The following COA1 variants were observed in gnomAD, a reference collection of about 807,000 sequenced individuals.
COA1 encodes cytochrome c oxidase assembly factor 1 homolog.
In COA1, 13 loss-of-function variants were observed where a neutral mutation model predicts 16.0. That is an observed-to-expected ratio of 0.81 (90% CI 0.53 to 1.29). The LOEUF is 1.29. COA1 is among the 50% of genes most tolerant of loss of function. The pLI is 0.00. For missense variants in COA1, 179 were observed against 177.0 expected (o/e 1.01, Z -0.06); for synonymous variants, 65 against 65.7 (o/e 0.99, Z 0.05).
intron 1 of COA1, among the ~76,000 whole-genome samples, chr7:43,693,867 TATGAC>T (rs2131115128): frequency 6.6e-6 from 1 of 152,162 alleles, no homozygotes; most frequent in South Asian, 2.1e-4. Context: ...GCTATACACT[TATGAC>T]AGCTGACTCC....
chr7:43,710,669 T>G (rs984225639), intron 1 of COA1, among the ~76,000 whole-genome samples: 3 of 152,072 alleles, frequency 2.0e-5, no homozygotes, highest in African/African-American at 7.2e-5. Context: ...TTCTCCCAAC[T>G]CCAATAGGTA....
chr7:43,713,382 T>A (rs1411892501), intron 1 of COA1, among the ~76,000 whole-genome samples: 1 of 152,192 alleles, frequency 6.6e-6, no homozygotes, highest in African/African-American at 2.4e-5. Flanking sequence ...TACAATACCT[T>A]ACTATTAACC....
chr7:43,625,856 G>A (rs1268252626), intron 6 of COA1: 1 of 151,956 alleles, frequency 6.6e-6, no homozygotes, highest in East Asian at 1.9e-4. Context: ...GTTATAAAAT[G>A]CCAAAATATT....
Position 43,629,923 on chromosome 7 carries a change from A to C in COA1, c.*133+9526T>G, listed in dbSNP as rs543985757. On this transcript the variant is annotated intron_variant and NMD_transcript_variant, in intron 6 of 6. Transcript: ENST00000415076. Reference sequence around the variant, plus strand: ...TAGTTTTTAAAAATTACTTTTGTGTAACTTAATTTTGGGTTTCTTTTTTAA... The same window carrying C: ...TAGTTTTTAAAAATTACTTTTGTGTCACTTAATTTTGGGTTTCTTTTTTAA... 3.3e-5 allele frequency among the ~76,000 whole-genome samples: 5 copies of C among 152,280 alleles called. No individual in the cohort carries two copies. In the South Asian group the frequency reaches 6.2e-4, roughly 19 times the overall value.
intron 1 of COA1, among the ~76,000 whole-genome samples, chr7:43,698,997 A>G (rs2094615512): frequency 6.6e-6 from 1 of 152,168 alleles, no homozygotes; most frequent in Non-Finnish European, 1.5e-5. Flanking sequence ...GTCAACCAGA[A>G]AGTTTTACAT....
chr7:43,663,687 A>C lies in COA1; in HGVS notation c.-38-15035T>G, dbSNP rs377559771. Among the ~76,000 whole-genome samples, 477 of 129,284 alleles carry C rather than the reference A, an allele frequency of 3.7e-3. 10 individuals carry two copies. The highest frequency in any genetic ancestry group is 0.031 in the Admixed American group (385 of 12,302). 84.8% of individuals were successfully genotyped at this position (129,284 alleles called of 152,430 possible). On this transcript the variant is annotated intron_variant, in intron 1 of 5. Transcript: ENST00000223336. ...ATCTCAAAAAAAAAAAAAAAAAAAA[A>C]ACACACACACAAAAAAAAACCTAAA... is the stretch of plus-strand genomic sequence containing the variant.
In COA1 at chr7:43,615,709, C is replaced by T. The variant is rs139756659; in HGVS notation, c.*134-6214G>A. Among the ~76,000 whole-genome samples the T allele has an allele frequency of 8.7e-4, 133 of 152,260 alleles. 1 individual carries two copies. In the East Asian group the frequency reaches 0.021, roughly 25 times the overall value. On this transcript the variant is annotated intron_variant and NMD_transcript_variant, in intron 6 of 6. Coordinates refer to the COA1 transcript ENST00000415076. ...AACCTCATGCCTCCCACCACTCGTA[C>T]CCCTTTTGCCTTGTGCTGTCGTCCA... is the stretch of plus-strand genomic sequence containing the variant.
downstream of COA1, among the ~76,000 whole-genome samples, chr7:43,636,872 C>G (rs1240168375): frequency 6.6e-6 from 1 of 152,204 alleles, no homozygotes; most frequent in Non-Finnish European, 1.5e-5. Context: ...GAATCATGTG[C>G]TTACCCCCAA....
chr7:43,636,992 G>A (rs190418394), downstream of COA1, among the ~76,000 whole-genome samples: 81 of 152,144 alleles, frequency 5.3e-4, 1 homozygote, highest in Admixed American at 3.9e-3. Flanking sequence ...TCATCTACAC[G>A]CTGTCCAAAC....
chr7:43,717,522 T>C (rs928231169), intron 1 of COA1, among the ~76,000 whole-genome samples: 1 of 152,138 alleles, frequency 6.6e-6, no homozygotes, highest in Admixed American at 6.5e-5. Flanking sequence ...AGGGAGTAAT[T>C]AGGTTGCATT....
intron 6 of COA1, among the ~76,000 whole-genome samples, chr7:43,609,930 T>C (rs1313860821): frequency 6.6e-6 from 1 of 152,232 alleles, no homozygotes; most frequent in Non-Finnish European, 1.5e-5. Flanking sequence ...GACCCAGACA[T>C]GAATCAGAAT....
intron 1 of COA1, among the ~76,000 whole-genome samples, chr7:43,687,283 A>ATTT (rs1414836786): frequency 6.6e-6 from 1 of 152,216 alleles, no homozygotes. Context: ...TAAAAGGCAT[A>ATTT]AAAAGAGACA....
intron 1 of COA1, among the ~76,000 whole-genome samples, chr7:43,702,369 T>C (rs2094781179): frequency 6.6e-6 from 1 of 152,206 alleles, no homozygotes; most frequent in Non-Finnish European, 1.5e-5. Context: ...CCCCATTGCT[T>C]ACTGTTGTCA....
At chr7:43,725,149 A>G (rs2095588130) in intron 1 of COA1, among the ~76,000 whole-genome samples, 1 of 152,116 alleles carries the variant, frequency 6.6e-6, no homozygotes, top group Non-Finnish European at 1.5e-5. Context: ...GAGGCAGGAG[A>G]ATCACTTGAA....
At chr7:43,690,408 T>C (rs1004673711) in intron 1 of COA1, among the ~76,000 whole-genome samples, 1 of 152,118 alleles carries the variant, frequency 6.6e-6, no homozygotes, top group African/African-American at 2.4e-5. Flanking sequence ...CATATATATG[T>C]ATGTACAGAC....
chr7:43,628,069 C>T (rs1194539462), intron 6 of COA1, among the ~76,000 whole-genome samples: 1 of 152,188 alleles, frequency 6.6e-6, no homozygotes, highest in Non-Finnish European at 1.5e-5. Flanking sequence ...TCACTGCAAC[C>T]TCCACCTCCC....
At chr7:43,679,737 A>C (rs1466041892) in intron 1 of COA1, among the ~76,000 whole-genome samples, 1 of 152,218 alleles carries the variant, frequency 6.6e-6, no homozygotes, top group Non-Finnish European at 1.5e-5. Context: ...TCCAGGCCCC[A>C]GTCAAGGATA....
intron 1 of COA1, chr7:43,649,130 T>C (rs2090204611): frequency 6.5e-6 from 1 of 154,640 alleles, no homozygotes; most frequent in African/African-American, 2.4e-5. Flanking sequence ...TGTCTCTGAC[T>C]ATTATGTGTC....
chr7:43,627,575 A>G (rs1236487035), intron 6 of COA1, among the ~76,000 whole-genome samples: 1 of 152,166 alleles, frequency 6.6e-6, no homozygotes, highest in Admixed American at 6.5e-5. Context: ...TTAAACTCAC[A>G]CCTCAATTTG....
Sources: allele counts gnomAD v4.1 joint callset (sites outside exome capture counted in the v4.1 genomes callset), GRCh38; gene constraint gnomAD v4.1.1; transcripts MANE v1.5; gene names NCBI Gene and HGNC (gene_info 2026-07-23, HGNC 2026-07-21).